Variants in SOX6 observed in about 807,000 individuals in gnomAD.
SOX6 encodes the protein transcription factor SOX-6.
Under a neutral mutation model 97.8 loss-of-function variants are expected in SOX6, and 11 were observed. The observed-to-expected ratio is 0.11, with a 90% CI of 0.07 to 0.19. SOX6 has a LOEUF of 0.19. Among genes scored for constraint, SOX6 ranks in the 10% least tolerant of loss-of-function variants. The pLI, the probability that SOX6 is intolerant of heterozygous loss-of-function variation, is 1.00. For missense variants in SOX6, 810 were observed against 1,039.5 expected (o/e 0.78, Z 3.04); for synonymous variants, 360 against 371.4 (o/e 0.97, Z 0.35).
rs541860197 is a variant in SOX6 at position 16,624,345 on chromosome 11, C to T, written n.430-12085G>A. On this transcript the variant is annotated intron_variant and non_coding_transcript_variant, in intron 3 of 5. Coordinates refer to the SOX6 transcript ENST00000524520. ...TGGGACTACAAGTGCGTGCCACCAC[C>T]CCCAGCTAATTTTTGTGTTTTTAGT... Among the ~76,000 whole-genome samples, 224 of 151,848 alleles carry T rather than the reference C, an allele frequency of 1.5e-3. 1 individual carries two copies. Among genetic ancestry groups the T allele is most frequent in the African/African-American group, 3.9e-3 (161 of 41,454 alleles).
At chr11:16,174,298 T>C (rs568303580) in intron 6 of SOX6, among the ~76,000 whole-genome samples, 1 of 152,024 alleles carries the variant, frequency 6.6e-6, no homozygotes, top group Non-Finnish European at 1.5e-5. Context: ...TGACTGAGGA[T>C]GTACTCAACC....
At chr11:16,226,043 G>A (rs1488193736) in intron 4 of SOX6, among the ~76,000 whole-genome samples, 3 of 152,038 alleles carry the variant, frequency 2.0e-5, no homozygotes, top group African/African-American at 7.2e-5. Context: ...AAACTTTTCA[G>A]ACATATTAGT....
At chr11:16,494,493 T>A (rs901928176) in intron 4 of SOX6, among the ~76,000 whole-genome samples, 1 of 152,152 alleles carries the variant, frequency 6.6e-6, no homozygotes, top group Non-Finnish European at 1.5e-5. Context: ...AAAGCAAATA[T>A]GTATAATAAA....
At chr11:16,259,289 CTAAA>C (rs889026683) in intron 3 of SOX6, among the ~76,000 whole-genome samples, 10 of 151,928 alleles carry the variant, frequency 6.6e-5, no homozygotes, top group South Asian at 4.2e-4. Context: ...TTCTGAAATC[CTAAA>C]TAAATAGATG....
At chr11:16,735,129 T>C (rs2134062311) in intron 2 of SOX6, among the ~76,000 whole-genome samples, 1 of 152,282 alleles carries the variant, frequency 6.6e-6, no homozygotes, top group East Asian at 1.9e-4. Flanking sequence ...TGAATTTAAA[T>C]GGAGAAGTAT....
At chr11:16,124,204 A>G (rs769667433) in intron 6 of SOX6, among the ~76,000 whole-genome samples, 1 of 152,114 alleles carries the variant, frequency 6.6e-6, no homozygotes, top group Non-Finnish European at 1.5e-5. Context: ...TATTAAACAA[A>G]TGTTTCTTTT....
intron 3 of SOX6, among the ~76,000 whole-genome samples, chr11:16,295,590 C>T (rs1171495522): frequency 6.6e-6 from 1 of 152,050 alleles, no homozygotes; most frequent in Non-Finnish European, 1.5e-5. Flanking sequence ...AAACAGAACT[C>T]CCTTCACAAA....
intron 3 of SOX6, among the ~76,000 whole-genome samples, chr11:16,708,025 T>G (rs1335230194): frequency 6.6e-6 from 1 of 152,194 alleles, no homozygotes; most frequent in African/African-American, 2.4e-5. Context: ...GTTACTGCTC[T>G]GAGACCAAGG....
At chr11:16,440,248 T>C (rs975634559) in intron 1 of SOX6, among the ~76,000 whole-genome samples, 2 of 152,192 alleles carry the variant, frequency 1.3e-5, no homozygotes, top group Non-Finnish European at 2.9e-5. Context: ...GAAAAACGGA[T>C]TTGCCGTTCA....
intron 4 of SOX6, among the ~76,000 whole-genome samples, chr11:16,595,231 G>A (rs1589999571): frequency 6.6e-6 from 1 of 151,570 alleles, no homozygotes; most frequent in Non-Finnish European, 1.5e-5. Context: ...TCTCCAGGAT[G>A]CCAAAGCGGT....
intron 6 of SOX6, among the ~76,000 whole-genome samples, chr11:16,134,691 G>A (rs1212038788): frequency 2.0e-5 from 3 of 151,962 alleles, no homozygotes; most frequent in Non-Finnish European, 2.9e-5. Context: ...AGTTGTTTTG[G>A]GACACCATAA....
At chr11:16,365,542 A>G (rs981743651) in intron 1 of SOX6, among the ~76,000 whole-genome samples, 1 of 152,048 alleles carries the variant, frequency 6.6e-6, no homozygotes, top group African/African-American at 2.4e-5. Context: ...GCATATTAGA[A>G]ATCAGGCCAG....
chr11:16,084,956 T>G (rs562581858), intron 9 of SOX6, among the ~76,000 whole-genome samples: 1 of 152,292 alleles, frequency 6.6e-6, no homozygotes, highest in Admixed American at 6.5e-5. Context: ...ATCAACACCA[T>G]TGATAAATGA....
At chr11:16,666,135 T>C (rs1336237115) in intron 3 of SOX6, among the ~76,000 whole-genome samples, 1 of 152,052 alleles carries the variant, frequency 6.6e-6, no homozygotes. Flanking sequence ...ACTTAACTCC[T>C]CAGTGCCCAG....
intron 4 of SOX6, among the ~76,000 whole-genome samples, chr11:16,520,973 C>A (rs545191081): frequency 4.6e-5 from 7 of 152,158 alleles, no homozygotes; most frequent in Non-Finnish European, 8.8e-5. Flanking sequence ...ACAAAGCAGC[C>A]GGGAAGCTCG....
intron 2 of SOX6, among the ~76,000 whole-genome samples, chr11:16,735,236 G>A (rs1041193442): frequency 2.0e-5 from 3 of 152,142 alleles, no homozygotes; most frequent in Non-Finnish European, 4.4e-5. Context: ...GCCCGGCTTT[G>A]ATCAGCCTAT....
intron 4 of SOX6, among the ~76,000 whole-genome samples, chr11:16,541,340 T>C (rs1861405062): frequency 6.6e-6 from 1 of 151,236 alleles, no homozygotes. Flanking sequence ...ATTAAAGACT[T>C]AAATGTAAGA....
At chr11:16,578,091 T>A (rs2133965479) in intron 4 of SOX6, among the ~76,000 whole-genome samples, 1 of 152,304 alleles carries the variant, frequency 6.6e-6, no homozygotes, top group Middle Eastern at 3.4e-3. Flanking sequence ...GGTTAATTTT[T>A]TATATGGTGT....
chr11:16,518,256 C>T (rs540439392), intron 4 of SOX6, among the ~76,000 whole-genome samples: 17 of 152,280 alleles, frequency 1.1e-4, no homozygotes, highest in African/African-American at 3.4e-4. Context: ...ATTTCCCTCC[C>T]TTCAGGGCTT....
Sources: gnomAD v4.1 joint callset for allele counts (sites outside exome capture counted in the v4.1 genomes callset) on GRCh38, gnomAD v4.1.1 for gene constraint, MANE v1.5 for transcripts, NCBI Gene and HGNC (gene_info 2026-07-23, HGNC 2026-07-21) for gene names.